The following TRAPPC4 variants were observed in gnomAD, a reference collection of about 807,000 sequenced individuals.
TRAPPC4 encodes the protein TRS23 homolog.
A neutral mutation model predicts 23.5 loss-of-function variants in TRAPPC4; 30 were observed. That is an observed-to-expected ratio of 1.28 (90% CI 0.96 to 1.73). The LOEUF is 1.73. TRAPPC4 is among the 40% of genes most tolerant of loss of function. The pLI is 0.00. For synonymous variants in TRAPPC4, 129 were observed against 105.3 expected (o/e 1.23, Z -1.38); for missense variants, 252 against 268.9 (o/e 0.94, Z 0.44).
Position 119,018,960 on chromosome 11 carries a change from C to T in TRAPPC4, c.165C>T (p.Asp55=), listed in dbSNP as rs782284351. The T allele has an allele frequency of 1.2e-6, 2 of 1,612,010 alleles. No homozygotes were observed. The highest frequency in any genetic ancestry group is 2.2e-5 in the East Asian group (1 of 44,880). Residue 55 remains aspartate, a synonymous_variant, in exon 1 of 5, where the codon GAC becomes GAT. Transcript: ENST00000533632. ...ERVLVAFGQR[D]GIRVGHAVLA... ...TGTTGGTTGCTTTCGGCCAGCGGGACGGCATCCGAGGTGGGCTAGGCTCGG... is the reference window on the plus strand; with the variant it reads ...TGTTGGTTGCTTTCGGCCAGCGGGATGGCATCCGAGGTGGGCTAGGCTCGG...
At chr11:119,021,156 T>C in intron 3 of TRAPPC4, 1 of 152,700 alleles carries the variant, frequency 6.5e-6, no homozygotes, top group Non-Finnish European at 1.5e-5. Context: ...CCCACAGTGC[T>C]GGGATTACAG....
At position 119,023,531 on chromosome 11, in the gene TRAPPC4, GT is replaced by G. The variant is rs1167992958; in HGVS notation, c.*133del. The G allele has an allele frequency of 1.3e-6, 1 of 793,002 alleles. No homozygotes were observed. The highest frequency in any genetic ancestry group is 2.1e-6 in the Non-Finnish European group (1 of 466,198). 49.1% of individuals were successfully genotyped at this position (793,002 alleles called of 1,614,324 possible). A position where few individuals can be genotyped will look rare whatever the true frequency, so the allele number is the denominator to read the frequency against. Reference sequence around the variant, plus strand: ...GGGAGAATGCTGACCCTGATGACTTGTACTGATTCCTGAGCCTTAACACTGT... The same window carrying G: ...GGGAGAATGCTGACCCTGATGACTTGACTGATTCCTGAGCCTTAACACTGT... On this transcript the variant is annotated 3_prime_UTR_variant, in exon 5 of 5. Coordinates refer to ENST00000533632, the MANE Select transcript of TRAPPC4 (RefSeq NM_016146.6).
chr11:119,019,711 G>T, intron 2 of TRAPPC4: 1 of 208,660 alleles, frequency 4.8e-6, no homozygotes, highest in Non-Finnish European at 9.9e-6. Context: ...AAAGTGCTGG[G>T]ATTACAGGAG....
At chr11:119,023,095 G>T in intron 4 of TRAPPC4, 1 of 375,692 alleles carries the variant, frequency 2.7e-6, no homozygotes. Context: ...CTCCGGAGTA[G>T]CTGGGATTAC....
intron 4 of TRAPPC4, among the ~76,000 whole-genome samples, chr11:119,022,131 T>C (rs936070609): frequency 3.9e-5 from 6 of 152,158 alleles, no homozygotes; most frequent in African/African-American, 1.4e-4. Flanking sequence ...ATTGGATGCA[T>C]GTGCCACCAC....
intron 2 of TRAPPC4, 110 bp from the exon 3 acceptor site, chr11:119,020,040 C>T (rs1424871757): frequency 2.9e-6 from 2 of 680,422 alleles, no homozygotes; most frequent in Non-Finnish European, 5.1e-6. Context: ...CACACTACTT[C>T]TCCTGACTGT....
intron 4 of TRAPPC4, 80 bp downstream of exon 4, chr11:119,021,966 A>G: frequency 9.9e-6 from 15 of 1,510,100 alleles, no homozygotes; most frequent in Non-Finnish European, 1.4e-5. Context: ...TAGCTGAAGC[A>G]TAGTAGAGTA....
intron 2 of TRAPPC4, chr11:119,019,796 A>G (rs553971807): frequency 1.3e-4 from 26 of 203,884 alleles, no homozygotes; most frequent in East Asian, 1.0e-3. Context: ...GTTTCTTCAT[A>G]TTTAAAGAAA....
At chr11:119,019,816 A>C in intron 2 of TRAPPC4, 1 of 206,158 alleles carries the variant, frequency 4.9e-6, no homozygotes, top group Non-Finnish European at 9.5e-6. Flanking sequence ...AGCCAGTTTA[A>C]CTAAATGACC....
intron 3 of TRAPPC4, 154 bp downstream of exon 3, chr11:119,020,407 G>T (rs375969439): frequency 3.3e-6 from 2 of 598,582 alleles, no homozygotes; most frequent in East Asian, 2.9e-5. Flanking sequence ...AGAAGAGGGG[G>T]TGTGCTTTTC....
At position 119,021,748 on chromosome 11, in the gene TRAPPC4, G is replaced by A. The variant is rs1208842151; in HGVS notation, c.455-12G>A. The A allele has an allele frequency of 1.2e-6, 2 of 1,613,798 alleles. No homozygotes were observed. The highest frequency in any genetic ancestry group is 2.7e-5 in the African/African-American group (2 of 75,020). ...GTCTACGCTTTGGTAACCATTCTTG[G>A]TCTCTCTCCAGGGATCAAGTTTGTG... On this transcript the variant is annotated splice_polypyrimidine_tract_variant and intron_variant, in intron 3 of 4. Transcript: ENST00000533632.
chr11:119,023,519 C>A lies in TRAPPC4; in HGVS notation c.*120C>A. 1 of 888,806 alleles carries A rather than the reference C, an allele frequency of 1.1e-6. No individual in the cohort carries two copies. Among genetic ancestry groups the A allele is most frequent in the Non-Finnish European group, 1.8e-6 (1 of 542,054 alleles). The allele number at this position is 888,806 out of a possible 1,614,324, so 55.1% of individuals were successfully genotyped here. A position where few individuals can be genotyped will look rare whatever the true frequency, so the allele number is the denominator to read the frequency against. ...GCACTTGAAAGTGGGAGAATGCTGA[C>A]CCTGATGACTTGTACTGATTCCTGA... On this transcript the variant is annotated 3_prime_UTR_variant, in exon 5 of 5. Coordinates refer to ENST00000533632, the MANE Select transcript of TRAPPC4 (RefSeq NM_016146.6).
chr11:119,022,138 C>T (rs1480090976), intron 4 of TRAPPC4, among the ~76,000 whole-genome samples: 1 of 152,182 alleles, frequency 6.6e-6, no homozygotes, highest in South Asian at 2.1e-4. Context: ...GCATGTGCCA[C>T]CACGCCTGGC....
Position 119,023,488 on chromosome 11 carries a change from G to C in TRAPPC4, c.*89G>C. On this transcript the variant is annotated 3_prime_UTR_variant, in exon 5 of 5. Transcript: ENST00000533632. ...CTCCAGTGGAAATCCCAGCAGCCTT[G>C]TTAGTGCACTTGAAAGTGGGAGAAT... 1.6e-6 allele frequency: 2 copies of C among 1,270,000 alleles called. No homozygotes were observed. 78.7% of individuals were successfully genotyped at this position (1,270,000 alleles called of 1,614,324 possible).
At chr11:119,022,283 C>G (rs1359201959) in intron 4 of TRAPPC4, among the ~76,000 whole-genome samples, 2 of 152,150 alleles carry the variant, frequency 1.3e-5, no homozygotes, top group Admixed American at 6.5e-5. Context: ...TGCGCCCGGC[C>G]GAGTATTACT....
At chr11:119,021,977 T>C (rs1943370847) in intron 4 of TRAPPC4, 91 bp downstream of exon 4, 1 of 1,482,334 alleles carries the variant, frequency 6.7e-7, no homozygotes, top group Non-Finnish European at 9.2e-7. Flanking sequence ...TAGTAGAGTA[T>C]TACTTTTTTT....
At chr11:119,023,234 G>A (rs982371929) in intron 4 of TRAPPC4, 87 bp from the exon 5 acceptor site, 3 of 1,299,148 alleles carry the variant, frequency 2.3e-6, no homozygotes, top group Non-Finnish European at 2.2e-6. Context: ...CATGATATAT[G>A]TTGTTCTTCA....
At chr11:119,019,405 G>C in intron 2 of TRAPPC4, 88 bp downstream of exon 2, 1 of 1,396,510 alleles carries the variant, frequency 7.2e-7, no homozygotes, top group Non-Finnish European at 9.8e-7. Context: ...AAACGCAACC[G>C]ATCCAGATCT....
intron 2 of TRAPPC4, 40 bp downstream of exon 2, chr11:119,019,357 G>C: frequency 6.3e-7 from 1 of 1,585,708 alleles, no homozygotes; most frequent in Non-Finnish European, 8.6e-7. Context: ...CTTGTAATTT[G>C]TCTACCTTTT....
Sources: gnomAD v4.1 joint callset for allele counts (sites outside exome capture counted in the v4.1 genomes callset) on GRCh38, gnomAD v4.1.1 for gene constraint, MANE v1.5 for transcripts, NCBI Gene and HGNC (gene_info 2026-07-23, HGNC 2026-07-21) for gene names.